THADA: variants seen among roughly 807,000 people sequenced by gnomAD.
THADA encodes THADA armadillo repeat containing.
THADA carries 213 observed loss-of-function variants against 219.8 expected under a neutral mutation model. The observed-to-expected ratio is 0.97, with a 90% confidence interval of 0.87 to 1.09. THADA has a LOEUF of 1.09. Among genes scored for constraint, THADA ranks in the 50% least tolerant of loss-of-function variants. The pLI is 0.00. For missense variants in THADA, 2,956 were observed against 2,311.3 expected, an observed-to-expected ratio of 1.28 and a Z score of -5.72; for synonymous variants, 1,018 against 828.9, an observed-to-expected ratio of 1.23 and a Z score of -3.92.
At chr2:43,295,153 A>G (rs1324614113) in intron 31 of THADA, among the ~76,000 whole-genome samples, 1 of 152,268 alleles carries the variant, frequency 6.6e-6, no homozygotes, top group Non-Finnish European at 1.5e-5. Context: ...TTGAGGATGC[A>G]GTGAGCCAGG....
intron 36 of THADA, among the ~76,000 whole-genome samples, chr2:43,240,771 A>T (rs942998187): frequency 6.6e-6 from 1 of 152,244 alleles, no homozygotes; most frequent in African/African-American, 2.4e-5. Flanking sequence ...CAAAGAACCC[A>T]GTAGGAAGTC....
At chr2:43,570,573 G>A in intron 13 of THADA, 63 bp from the exon 14 acceptor site, 7 of 1,520,596 alleles carry the variant, frequency 4.6e-6, no homozygotes, top group Non-Finnish European at 6.2e-6. Context: ...GTCAGCCTGA[G>A]AGGCAAATTA....
chr2:43,458,898 T>C lies in THADA; in HGVS notation c.3836+26336A>G, dbSNP rs1490463163. 3.3e-5 allele frequency among the ~76,000 whole-genome samples: 5 copies of C among 152,288 alleles called. No individual in the cohort carries two copies. The East Asian group carries it at 7.7e-4, about 23-fold the overall frequency. On this transcript the variant is annotated intron_variant, in intron 26 of 37. Transcript: ENST00000405975. ...TGTAATATGCTTTTTAATGTACTTATTTAACAAAATTAAAGGGTTGATAAC... is the reference window on the plus strand; with the variant it reads ...TGTAATATGCTTTTTAATGTACTTACTTAACAAAATTAAAGGGTTGATAAC...
At chr2:43,318,957 G>C (rs1678390612) in intron 31 of THADA, among the ~76,000 whole-genome samples, 1 of 152,166 alleles carries the variant, frequency 6.6e-6, no homozygotes. Flanking sequence ...GAAAAACTCA[G>C]TTCAAATAAA....
At chr2:43,516,715 A>T (rs1329849537) in intron 22 of THADA, among the ~76,000 whole-genome samples, 1 of 152,112 alleles carries the variant, frequency 6.6e-6, no homozygotes, top group African/African-American at 2.4e-5. Flanking sequence ...TGCCTAATAA[A>T]AAGGCATTAT....
chr2:43,560,261 C>G lies in THADA; in HGVS notation c.2436G>C (p.Lys812Asn). The G allele has an allele frequency of 6.2e-7, 1 of 1,612,354 alleles. No homozygotes were observed. Among genetic ancestry groups the G allele is most frequent in the Non-Finnish European group, 8.5e-7 (1 of 1,179,246 alleles). The change falls in exon 16 of 38, where the codon AAG (lysine) becomes AAC (asparagine). Residue 812 changes from lysine to asparagine, a missense_variant. Coordinates refer to ENST00000405975, the MANE Select transcript of THADA (RefSeq NM_022065.5). Reference protein sequence around the residue: ...VKILAFDLLMKLSKTAVHFQD... With the variant: ...VKILAFDLLMNLSKTAVHFQD... ...GAAAATGTACAGCTGTTTTTGATAA[C>G]TTCATCAGAAGATCAAATGCTAAAA... is the stretch of plus-strand genomic sequence containing the variant.
intron 21 of THADA, 138 bp from the exon 22 acceptor site, chr2:43,528,126 CTTTTTT>C (rs367822642): frequency 1.3e-4 from 21 of 162,940 alleles, no homozygotes; most frequent in East Asian, 1.0e-3. Context: ...ATGTTTTAAG[CTTTTTT>C]TTTTTTTTTT....
At chr2:43,541,501 C>A (rs958551454) in intron 20 of THADA, among the ~76,000 whole-genome samples, 185 bp from the exon 21 acceptor site, 1 of 151,850 alleles carries the variant, frequency 6.6e-6, no homozygotes, top group African/African-American at 2.4e-5. Context: ...AGAAATCATG[C>A]TAAGTTTTTT....
chr2:43,471,648 G>T (rs1036267103), intron 26 of THADA, among the ~76,000 whole-genome samples: 2 of 152,106 alleles, frequency 1.3e-5, no homozygotes, highest in African/African-American at 4.8e-5. Context: ...TAATATATAG[G>T]CTAAAACATA....
chr2:43,245,147 T>G (rs1292798300), intron 36 of THADA, among the ~76,000 whole-genome samples: 1 of 151,510 alleles, frequency 6.6e-6, no homozygotes, highest in African/African-American at 2.4e-5. Flanking sequence ...CTTATTTCAC[T>G]ACTGGAGCTT....
chr2:43,478,235 G>C (rs1685774655), intron 26 of THADA, among the ~76,000 whole-genome samples: 1 of 152,150 alleles, frequency 6.6e-6, no homozygotes, highest in Non-Finnish European at 1.5e-5. Flanking sequence ...AACAACAATA[G>C]CTGGAAATTC....
chr2:43,278,142 G>T (rs952961911), intron 36 of THADA, among the ~76,000 whole-genome samples: 1 of 151,876 alleles, frequency 6.6e-6, no homozygotes, highest in Admixed American at 6.6e-5. Flanking sequence ...GTAGAGATGG[G>T]GTTTCACCAT....
At chr2:43,380,054 A>G (rs915516265) in intron 29 of THADA, among the ~76,000 whole-genome samples, 1 of 152,218 alleles carries the variant, frequency 6.6e-6, no homozygotes, top group South Asian at 2.1e-4. Context: ...GAACCACAGG[A>G]AAGTTTTTAG....
At chr2:43,501,307 C>CAAAAAAAAAAAAAAAAAA (rs60448094) in intron 24 of THADA, among the ~76,000 whole-genome samples, 2 of 15,050 alleles carry the variant, frequency 1.3e-4, no homozygotes, top group African/African-American at 1.9e-4. Context: ...ACTCCAACTC[C>CAAAAAAAAAAAAAAAAAA]AAAAAAAAAA....
chr2:43,247,920 G>A (rs979328835), intron 36 of THADA, among the ~76,000 whole-genome samples: 5 of 150,938 alleles, frequency 3.3e-5, no homozygotes, highest in African/African-American at 9.7e-5. Flanking sequence ...GTACATGCCT[G>A]TGGTCCCTGC....
At chr2:43,397,097 T>G (rs957167758) in intron 29 of THADA, among the ~76,000 whole-genome samples, 1 of 152,096 alleles carries the variant, frequency 6.6e-6, no homozygotes, top group Non-Finnish European at 1.5e-5. Flanking sequence ...TAATGCGGGG[T>G]AGATCTGAGA....
chr2:43,453,329 G>A (rs1193453843), intron 26 of THADA, among the ~76,000 whole-genome samples: 1 of 152,158 alleles, frequency 6.6e-6, no homozygotes, highest in Non-Finnish European at 1.5e-5. Context: ...AGAACTGCCT[G>A]GAAGTACTCA....
At position 43,577,124 on chromosome 2, in the gene THADA, T is replaced by C; in HGVS notation, c.935A>G (p.Gln312Arg). ...ISQSAVLFLC[Q>R]GTLAMLDWQN... ...CCAGTCCAACATGGCAAGTGTCCCCTGACAGAGGAATAAGACAGCTGACTG... is the reference window on the plus strand; with the variant it reads ...CCAGTCCAACATGGCAAGTGTCCCCCGACAGAGGAATAAGACAGCTGACTG... The change falls in exon 10 of 38, where the codon CAG becomes CGG. Residue 312 changes from glutamine (Q) to arginine (R), a missense_variant. Gln to Arg is a conservative substitution (Grantham distance 43). Transcript: ENST00000405975. 1.9e-6 allele frequency: 3 copies of C among 1,612,878 alleles called. No individual in the cohort carries two copies. Among genetic ancestry groups the C allele is most frequent in the Non-Finnish European group, 2.5e-6 (3 of 1,179,494 alleles).
chr2:43,253,458 A>T (rs969744703), intron 36 of THADA, among the ~76,000 whole-genome samples: 6 of 151,736 alleles, frequency 4.0e-5, no homozygotes, highest in African/African-American at 7.3e-5. Context: ...TTCTCTCTCA[A>T]CTCTCACTCA....
Sources: allele counts gnomAD v4.1 joint callset (sites outside exome capture counted in the v4.1 genomes callset), GRCh38; gene constraint gnomAD v4.1.1; transcripts MANE v1.5; gene names NCBI Gene and HGNC (gene_info 2026-07-23, HGNC 2026-07-21).